The following TES variants were observed in gnomAD, a reference collection of about 807,000 sequenced individuals.
The protein encoded by TES is testin.
In TES, 41 loss-of-function variants were observed where a neutral mutation model predicts 48.2. The observed-to-expected ratio is 0.85, with a 90% CI of 0.66 to 1.10. The LOEUF is 1.10. Among genes scored for constraint, TES ranks in the 50% least tolerant of loss-of-function variants. The pLI, the probability that TES is intolerant of heterozygous loss-of-function variation, is 0.00. For synonymous variants in TES, 162 were observed against 174.9 expected, an observed-to-expected ratio of 0.93 and a Z score of 0.58; for missense variants, 463 against 515.1, an observed-to-expected ratio of 0.90 and a Z score of 0.98.
At chr7:116,228,830 C>T (rs930755849) in intron 1 of TES, among the ~76,000 whole-genome samples, 1 of 151,670 alleles carries the variant, frequency 6.6e-6, no homozygotes, top group Non-Finnish European at 1.5e-5. Context: ...TGGAGCCAAT[C>T]TAGTTTAATT....
rs754398725 is a variant in TES, at chr7:116,249,289, A to G, written c.366+17A>G. 11 of 1,613,528 alleles carry G rather than the reference A, an allele frequency of 6.8e-6. No individual in the cohort carries two copies. In the Admixed American group the frequency reaches 1.0e-4, roughly 15 times the overall value. ...CAAGCATTGGTAAATGATATGGAAC[A>G]GAGAGTTTCTTTATTGAAGTTCCTG... On this transcript the variant is annotated intron_variant, in intron 3 of 6. Transcript: ENST00000358204.
chr7:116,244,721 C>CA (rs1799897661), intron 2 of TES, among the ~76,000 whole-genome samples: 1 of 152,194 alleles, frequency 6.6e-6, no homozygotes, highest in Admixed American at 6.5e-5. Context: ...CATTTCCCTT[C>CA]CACACTACCC....
chr7:116,227,177 C>T (rs757874085), intron 1 of TES, among the ~76,000 whole-genome samples: 6 of 151,510 alleles, frequency 4.0e-5, no homozygotes, highest in Admixed American at 2.6e-4. Flanking sequence ...GAGTGCATGG[C>T]GTGATCTCAG....
chr7:116,252,329 C>G lies in TES; in HGVS notation c.930C>G (p.Ser310Arg). 2 of 1,607,380 alleles carry G rather than the reference C, an allele frequency of 1.2e-6. No individual in the cohort carries two copies. Among genetic ancestry groups the G allele is most frequent in the Non-Finnish European group, 1.7e-6 (2 of 1,174,330 alleles). Residue 310 changes from serine (S) to arginine (R), a missense_variant, in exon 6 of 7, where the codon AGC (serine) becomes AGG (arginine). Transcript: ENST00000358204. ...TATCTTCTTCCTAGCTGATATTCAG[C>G]AATGAGTATACCCAGGCAGAAAACC... Reference protein sequence around the residue: ...RCAGCDELIFSNEYTQAENQN... With the variant: ...RCAGCDELIFRNEYTQAENQN...
At chr7:116,229,962 G>A (rs1799676340) in intron 1 of TES, among the ~76,000 whole-genome samples, 1 of 152,194 alleles carries the variant, frequency 6.6e-6, no homozygotes, top group Non-Finnish European at 1.5e-5. Flanking sequence ...GCATAAGTCA[G>A]AGATCTTCAG....
chr7:116,252,359 T>G lies in TES; in HGVS notation c.960T>G (p.Asn320Lys). Reference sequence around the variant, plus strand: ...AGTATACCCAGGCAGAAAACCAGAATTGGCACCTGAAACACTTCTGCTGCT... The same window carrying G: ...AGTATACCCAGGCAGAAAACCAGAAGTGGCACCTGAAACACTTCTGCTGCT... ...SNEYTQAENQ[N>K]WHLKHFCCFD... Residue 320 changes from asparagine to lysine, a missense_variant, in exon 6 of 7, where the codon AAT becomes AAG. Transcript: ENST00000358204. 2 of 1,613,910 alleles carry G rather than the reference T, an allele frequency of 1.2e-6. No homozygotes were observed. Among genetic ancestry groups the G allele is most frequent in the Non-Finnish European group, 1.7e-6 (2 of 1,179,762 alleles).
At chr7:116,220,694 C>T (rs930693345) in intron 1 of TES, among the ~76,000 whole-genome samples, 1 of 152,054 alleles carries the variant, frequency 6.6e-6, no homozygotes, top group Non-Finnish European at 1.5e-5. Flanking sequence ...ATTTTGAGAA[C>T]CAGAACTGCA....
intron 6 of TES, among the ~76,000 whole-genome samples, chr7:116,253,051 T>C (rs892534094): frequency 3.3e-5 from 5 of 152,204 alleles, no homozygotes; most frequent in Non-Finnish European, 7.4e-5. Flanking sequence ...AGAGCTGCTG[T>C]TGTATAATGG....
chr7:116,230,577 C>T (rs1323709581), intron 1 of TES, among the ~76,000 whole-genome samples: 1 of 152,204 alleles, frequency 6.6e-6, no homozygotes, highest in African/African-American at 2.4e-5. Flanking sequence ...CTCACCCTCC[C>T]CTGTTGCCCT....
In TES at chr7:116,252,474, G is replaced by T; in HGVS notation, c.1075G>T (p.Val359Leu). 1.2e-6 allele frequency: 2 copies of T among 1,614,212 alleles called. No homozygotes were observed. The highest frequency in any genetic ancestry group is 1.7e-6 in the Non-Finnish European group (2 of 1,180,028). ...CKPCYVKNHA[V>L]VCQGCHNAID... Reference sequence around the variant, plus strand: ...GCCCTGCTATGTGAAGAATCACGCTGTGGTGAGAAGTGTTCTAAGGATATG... The same window carrying T: ...GCCCTGCTATGTGAAGAATCACGCTTTGGTGAGAAGTGTTCTAAGGATATG... The change falls in exon 6 of 7, where the codon GTG becomes TTG. Residue 359 changes from valine (V) to leucine (L), a missense_variant and splice_region_variant. Physicochemically the swap from Val to Leu is conservative, Grantham distance 32. Coordinates refer to ENST00000358204, the MANE Select transcript of TES (RefSeq NM_015641.4).
At chr7:116,252,635 AACAAT>A in intron 6 of TES, 159 bp downstream of exon 6, 13 of 964,892 alleles carry the variant, frequency 1.3e-5, no homozygotes, top group Non-Finnish European at 2.1e-5. Context: ...GCAATTCAAA[AACAAT>A]ACATGCATTG....
intron 1 of TES, among the ~76,000 whole-genome samples, chr7:116,229,580 A>G (rs543863115): frequency 6.6e-6 from 1 of 152,286 alleles, no homozygotes; most frequent in Non-Finnish European, 1.5e-5. Flanking sequence ...AGGCCCTAAG[A>G]AACTGTACTT....
intron 1 of TES, among the ~76,000 whole-genome samples, chr7:116,225,282 A>G (rs532523633): frequency 3.3e-5 from 5 of 152,152 alleles, no homozygotes; most frequent in Admixed American, 6.5e-5. Flanking sequence ...GTATTGAGGT[A>G]TAGATGTTTT....
intron 1 of TES, among the ~76,000 whole-genome samples, chr7:116,227,515 T>A (rs1799638882): frequency 1.3e-5 from 2 of 152,198 alleles, no homozygotes; most frequent in African/African-American, 4.8e-5. Context: ...TGTCAGATCT[T>A]AATAAAAATA....
intron 2 of TES, among the ~76,000 whole-genome samples, chr7:116,240,289 G>GA (rs1799827967): frequency 6.6e-6 from 1 of 152,198 alleles, no homozygotes; most frequent in East Asian, 1.9e-4. Flanking sequence ...GCTTGCCTTG[G>GA]AAAAATAGTA....
At chr7:116,217,216 G>A (rs752058521) in intron 1 of TES, among the ~76,000 whole-genome samples, 3 of 152,060 alleles carry the variant, frequency 2.0e-5, no homozygotes, top group Non-Finnish European at 4.4e-5. Flanking sequence ...TTGATTCTTG[G>A]TTTTGCAAAC....
chr7:116,237,514 A>G (rs554912559), intron 2 of TES, among the ~76,000 whole-genome samples: 3 of 152,134 alleles, frequency 2.0e-5, no homozygotes, highest in African/African-American at 7.2e-5. Context: ...CAAGTGCTTG[A>G]TACATACTAT....
chr7:116,219,822 A>T (rs1799535866), intron 1 of TES, among the ~76,000 whole-genome samples: 1 of 152,192 alleles, frequency 6.6e-6, no homozygotes, highest in African/African-American at 2.4e-5. Context: ...GTATTCTGAG[A>T]TGATATTCTG....
At chr7:116,229,499 G>A (rs987391718) in intron 1 of TES, among the ~76,000 whole-genome samples, 1 of 152,026 alleles carries the variant, frequency 6.6e-6, no homozygotes, top group Non-Finnish European at 1.5e-5. Context: ...GAGTAGATGG[G>A]GTTCCAAATC....
Sources: allele counts gnomAD v4.1 joint callset (sites outside exome capture counted in the v4.1 genomes callset), GRCh38; gene constraint gnomAD v4.1.1; transcripts MANE v1.5; gene names NCBI Gene and HGNC (gene_info 2026-07-23, HGNC 2026-07-21).